Variants in NME8 observed in about 807,000 individuals in gnomAD.
The protein encoded by NME8 is protein NME8.
In NME8, 72 loss-of-function variants were observed where a neutral mutation model predicts 82.3. That is an observed-to-expected ratio of 0.87 (90% CI 0.72 to 1.06). The LOEUF is 1.06. Among genes scored for constraint, NME8 ranks in the 50% least tolerant of loss-of-function variants. The probability of loss-of-function intolerance (pLI) is 0.00; values close to 1 mark genes in which losing one functional copy is unlikely to be tolerated. For missense variants in NME8, 712 were observed against 685.4 expected (o/e 1.04, Z -0.43); for synonymous variants, 267 against 228.5 (o/e 1.17, Z -1.52).
intron 15 of NME8, among the ~76,000 whole-genome samples, chr7:37,892,407 G>C (rs1042572615): frequency 6.6e-6 from 1 of 151,200 alleles, no homozygotes; most frequent in Admixed American, 6.6e-5. Context: ...TGAGTATTTA[G>C]ATTGACTTAC....
chr7:37,850,797 C>G, intron 5 of NME8, 62 bp downstream of exon 5: 1 of 1,038,792 alleles, frequency 9.6e-7, no homozygotes, highest in Admixed American at 1.7e-5. Flanking sequence ...TAAGTATCCT[C>G]TAATACTTTA....
chr7:37,862,106 G>A lies in NME8; in HGVS notation c.349G>A (p.Glu117Lys). ...NKKVINLIDE[E>K]RKIAAGEMAR... is the part of the protein sequence containing the mutation. ...AAAAGTTATTAATTTGATCGATGAG[G>A]AGAGAAAAATTGCAGCAGGTGAAAT... Residue 117 changes from glutamate to lysine, a missense_variant, in exon 7 of 18, where the codon GAG becomes AAG. By Grantham distance (56) the Glu-to-Lys change is moderately conservative. Coordinates refer to ENST00000199447, the MANE Select transcript of NME8 (RefSeq NM_016616.5). 4 of 1,613,542 alleles carry A rather than the reference G, an allele frequency of 2.5e-6. No individual in the cohort carries two copies. The highest frequency in any genetic ancestry group is 3.4e-6 in the Non-Finnish European group (4 of 1,179,658).
intron 5 of NME8, among the ~76,000 whole-genome samples, chr7:37,853,447 G>A (rs941890967): frequency 6.6e-6 from 1 of 152,148 alleles, no homozygotes; most frequent in Non-Finnish European, 1.5e-5. Context: ...GCCTAAAGGA[G>A]ATTGCCACAT....
chr7:37,857,915 G>C (rs1784536608), intron 6 of NME8, among the ~76,000 whole-genome samples: 1 of 152,114 alleles, frequency 6.6e-6, no homozygotes, highest in South Asian at 2.1e-4. Context: ...ATCAGACAGA[G>C]GCCAGGCATA....
intron 9 of NME8, 149 bp from the exon 10 acceptor site, chr7:37,865,376 A>C: frequency 1.5e-6 from 1 of 648,902 alleles, no homozygotes; most frequent in Non-Finnish European, 2.8e-6. Context: ...TTTTTGAGCC[A>C]CTTCAAACCA....
chr7:37,884,708 A>G lies in NME8; in HGVS notation c.1139+261A>G, dbSNP rs1785014570. On this transcript the variant is annotated intron_variant, in intron 13 of 17. Transcript: ENST00000199447. ...CCATTGAGTTGAACACCAGAAGTCCAGGGTGTACAATACTATGAAGTTTAA... is the reference window on the plus strand; with the variant it reads ...CCATTGAGTTGAACACCAGAAGTCCGGGGTGTACAATACTATGAAGTTTAA... 2.0e-5 allele frequency among the ~76,000 whole-genome samples: 3 copies of G among 152,244 alleles called. No individual in the cohort carries two copies. The South Asian group carries it at 6.2e-4, about 31-fold the overall frequency.
intron 12 of NME8, among the ~76,000 whole-genome samples, chr7:37,882,058 A>G (rs1784954715): frequency 1.3e-5 from 2 of 152,312 alleles, no homozygotes; most frequent in South Asian, 4.1e-4. Context: ...GATACTTGCA[A>G]AATATTTTCC....
At chr7:37,886,896 G>A (rs1302052782) in intron 14 of NME8, among the ~76,000 whole-genome samples, 1 of 151,904 alleles carries the variant, frequency 6.6e-6, no homozygotes, top group African/African-American at 2.4e-5. Flanking sequence ...ACAAAACCCT[G>A]AATGAGTCAT....
intron 8 of NME8, among the ~76,000 whole-genome samples, chr7:37,863,681 A>G: frequency 6.6e-6 from 1 of 152,184 alleles, no homozygotes; most frequent in East Asian, 1.9e-4. Flanking sequence ...AGCCTTTCAG[A>G]GGTTACCCTG....
chr7:37,888,178 A>ATTTCCT, intron 14 of NME8, 99 bp from the exon 15 acceptor site: 1 of 1,221,346 alleles, frequency 8.2e-7, no homozygotes, highest in African/African-American at 1.5e-5. Context: ...ATCTGGAATT[A>ATTTCCT]TTTGCTGTTA....
At chr7:37,858,500 G>A (rs77288435) in intron 6 of NME8, among the ~76,000 whole-genome samples, 1,717 of 152,110 alleles carry the variant, frequency 0.011, 33 homozygotes, top group East Asian at 0.076. Flanking sequence ...TTTGTAAAGG[G>A]CCAGGGAGTG....
chr7:37,853,178 G>C lies in NME8; in HGVS notation c.198+2443G>C, dbSNP rs901299358. Among the ~76,000 whole-genome samples the C allele has an allele frequency of 2.0e-5, 3 of 152,028 alleles. No individual in the cohort carries two copies. In the South Asian group the frequency reaches 6.2e-4, roughly 32 times the overall value. On this transcript the variant is annotated intron_variant, in intron 5 of 17. Transcript: ENST00000199447. ...GCTTATTTTTTTAATTGGGTTGTTT[G>C]TTCTCTTATTGTTGAGTTTCAAGTA...
chr7:37,864,563 A>G (rs1784648495), intron 9 of NME8, 142 bp downstream of exon 9: 2 of 839,506 alleles, frequency 2.4e-6, no homozygotes, highest in South Asian at 3.6e-5. Flanking sequence ...GGCTTTGAGT[A>G]CTTTATGTCT....
In NME8 at chr7:37,877,020, G is replaced by A. The variant is rs778070939; in HGVS notation, c.994+13G>A. The A allele has an allele frequency of 6.2e-7, 1 of 1,603,430 alleles. No individual in the cohort carries two copies. The highest frequency in any genetic ancestry group is 1.1e-5 in the South Asian group (1 of 90,796). On this transcript the variant is annotated intron_variant, in intron 12 of 17. Coordinates refer to ENST00000199447, the MANE Select transcript of NME8 (RefSeq NM_016616.5). ...CATGAAAGGAAAGGTAGGGAATCAA[G>A]CATAAATTGTTTAAGTATTTTATAT...
At chr7:37,856,430 T>G (rs1006738014) in intron 5 of NME8, among the ~76,000 whole-genome samples, 1 of 152,164 alleles carries the variant, frequency 6.6e-6, no homozygotes, top group African/African-American at 2.4e-5. Context: ...AATCTGAGAC[T>G]TCCAGCCTCC....
chr7:37,888,310 G>A lies in NME8; in HGVS notation c.1281G>A (p.Pro427=), dbSNP rs750087914. ...CACAGTTTGCGATGGACAGTTTGCC[G>A]GTCAACCAGTTGTATGGCAGCGATT... The part of the protein sequence containing the change: ...LCAQFAMDSL[P]VNQLYGSDSL... The change falls in exon 15 of 18, where the codon CCG becomes CCA. Residue 427 remains proline (P), a synonymous_variant. Transcript: ENST00000199447. The A allele has an allele frequency of 8.7e-6, 14 of 1,613,414 alleles. No homozygotes were observed. The highest frequency in any genetic ancestry group is 6.7e-5 in the East Asian group (3 of 44,878).
At chr7:37,896,675 T>C (rs1340240383) in intron 16 of NME8, 195 bp from the exon 17 acceptor site, 4 of 601,486 alleles carry the variant, frequency 6.7e-6, no homozygotes, top group African/African-American at 5.6e-5. Context: ...TAGAATTAAA[T>C]TATAGCACCC....
At chr7:37,894,906 T>TTTCC (rs1424867541) in intron 16 of NME8, among the ~76,000 whole-genome samples, 3 of 151,724 alleles carry the variant, frequency 2.0e-5, no homozygotes, top group East Asian at 1.9e-4. Flanking sequence ...TTTCCTTTCC[T>TTTCC]TTCCTTCCTT....
At chr7:37,864,509 G>A (rs1485997568) in intron 9 of NME8, 88 bp downstream of exon 9, 2 of 1,321,624 alleles carry the variant, frequency 1.5e-6, no homozygotes, top group Admixed American at 2.2e-5. Context: ...ACCATTTAGA[G>A]TGAAATAGAA....
Sources: allele counts gnomAD v4.1 joint callset (sites outside exome capture counted in the v4.1 genomes callset), GRCh38; gene constraint gnomAD v4.1.1; transcripts MANE v1.5; gene names NCBI Gene and HGNC (gene_info 2026-07-23, HGNC 2026-07-21).